EPHB1: variants seen among roughly 807,000 people sequenced by gnomAD.
The protein encoded by EPHB1 is EPH receptor B1.
EPHB1 carries 30 observed loss-of-function variants against 94.4 expected under a neutral mutation model. The observed-to-expected ratio is 0.32, with a 90% CI of 0.24 to 0.43. The LOEUF is 0.43. Among genes scored for constraint, EPHB1 ranks in the 20% least tolerant of loss-of-function variants. EPHB1 has a pLI of 1.00. For synonymous variants in EPHB1, 522 were observed against 489.1 expected, an observed-to-expected ratio of 1.07 and a Z score of -0.89; for missense variants, 1,055 against 1,308.3, an observed-to-expected ratio of 0.81 and a Z score of 2.99.
At chr3:135,044,519 T>C (rs144534308) in intron 3 of EPHB1, among the ~76,000 whole-genome samples, 3 of 152,332 alleles carry the variant, frequency 2.0e-5, no homozygotes, top group Admixed American at 2.0e-4. Flanking sequence ...CAGTTCATAA[T>C]CCCAATTCTG....
At chr3:135,007,798 G>A (rs1035536962) in intron 3 of EPHB1, among the ~76,000 whole-genome samples, 12 of 152,304 alleles carry the variant, frequency 7.9e-5, no homozygotes, top group East Asian at 7.7e-4. Context: ...CCAGCTTTCT[G>A]TCACTTCCTG....
chr3:135,040,644 A>C (rs1356889029), intron 3 of EPHB1, among the ~76,000 whole-genome samples: 2 of 152,236 alleles, frequency 1.3e-5, no homozygotes, highest in Non-Finnish European at 2.9e-5. Context: ...GCTGCTGTTG[A>C]GGATGTTCAG....
chr3:135,018,560 G>C (rs1016777669), intron 3 of EPHB1, among the ~76,000 whole-genome samples: 7 of 152,048 alleles, frequency 4.6e-5, no homozygotes, highest in Admixed American at 2.6e-4. Flanking sequence ...GCTCCCTACA[G>C]CTTCCCAGCA....
At chr3:135,063,720 T>C (rs1937545552) in intron 3 of EPHB1, among the ~76,000 whole-genome samples, 1 of 152,178 alleles carries the variant, frequency 6.6e-6, no homozygotes, top group South Asian at 2.1e-4. Context: ...GAACTTCTAG[T>C]ACTGTGTTGA....
At chr3:134,974,233 CACAT>C (rs1418591900) in intron 3 of EPHB1, among the ~76,000 whole-genome samples, 4 of 152,150 alleles carry the variant, frequency 2.6e-5, no homozygotes, top group East Asian at 1.9e-4. Context: ...TACATACACA[CACAT>C]GCGCACAAAC....
intron 3 of EPHB1, among the ~76,000 whole-genome samples, chr3:135,096,873 G>A (rs35156804): frequency 0.41 from 63,066 of 151,992 alleles, 16,018 homozygotes; most frequent in African/African-American, 0.73. Context: ...CAAGGGGGGC[G>A]GATCACGAGG....
chr3:134,933,659 A>C (rs557936328), intron 2 of EPHB1, among the ~76,000 whole-genome samples: 2 of 152,340 alleles, frequency 1.3e-5, no homozygotes, highest in East Asian at 3.9e-4. Flanking sequence ...AGCACGGAGC[A>C]GCTGGTAAAT....
rs115559339 is a variant in EPHB1, at chr3:135,131,860, G to A, written c.962-854G>A. Among the ~76,000 whole-genome samples the A allele has an allele frequency of 5.2e-3, 792 of 152,278 alleles. 7 individuals are homozygous for A. The highest frequency in any genetic ancestry group is 0.018 in the African/African-American group (746 of 41,566). On this transcript the variant is annotated intron_variant, in intron 4 of 15. Coordinates refer to ENST00000398015, the MANE Select transcript of EPHB1 (RefSeq NM_004441.5). ...TCAGAGCAGGGCTATAGTTGAGAACGTGAGCTTTGGAATCCCGCAGGTATG... is the reference window on the plus strand; with the variant it reads ...TCAGAGCAGGGCTATAGTTGAGAACATGAGCTTTGGAATCCCGCAGGTATG...
At chr3:134,992,782 C>G (rs148203983) in intron 3 of EPHB1, among the ~76,000 whole-genome samples, 1 of 152,340 alleles carries the variant, frequency 6.6e-6, no homozygotes, top group African/African-American at 2.4e-5. Flanking sequence ...ATTCACCTCT[C>G]TACTCACAGT....
intron 4 of EPHB1, among the ~76,000 whole-genome samples, chr3:135,121,423 A>C (rs529772774): frequency 5.9e-5 from 9 of 152,234 alleles, no homozygotes; most frequent in Non-Finnish European, 1.2e-4. Flanking sequence ...AATGTCCAGA[A>C]CAAGGAACTC....
intron 1 of EPHB1, among the ~76,000 whole-genome samples, chr3:134,864,904 C>G (rs2037340850): frequency 1.3e-5 from 2 of 152,224 alleles, no homozygotes; most frequent in Non-Finnish European, 2.9e-5. Flanking sequence ...TCCCACAGAC[C>G]TGGAGTCCCT....
intron 10 of EPHB1, among the ~76,000 whole-genome samples, chr3:135,187,522 T>C (rs1393102109): frequency 1.3e-5 from 2 of 152,176 alleles, no homozygotes; most frequent in Admixed American, 6.5e-5. Flanking sequence ...TTCTTGTAGA[T>C]ACTATATTAA....
chr3:135,040,250 G>T (rs942531144), intron 3 of EPHB1, among the ~76,000 whole-genome samples: 2 of 152,208 alleles, frequency 1.3e-5, no homozygotes, highest in Non-Finnish European at 2.9e-5. Context: ...CCTTTCAGGA[G>T]ATTCGAGATA....
intron 9 of EPHB1, among the ~76,000 whole-genome samples, chr3:135,174,575 CT>C (rs999620069): frequency 7.9e-5 from 12 of 152,300 alleles, no homozygotes; most frequent in African/African-American, 2.9e-4. Flanking sequence ...TATTTCATAT[CT>C]TAATTGCCTA....
chr3:134,866,645 A>T (rs1456365437), intron 1 of EPHB1, among the ~76,000 whole-genome samples: 1 of 152,236 alleles, frequency 6.6e-6, no homozygotes, highest in Non-Finnish European at 1.5e-5. Flanking sequence ...AATGCCAAGG[A>T]GGAACTCTGG....
intron 4 of EPHB1, among the ~76,000 whole-genome samples, chr3:135,120,980 C>T (rs145977818): frequency 2.0e-5 from 3 of 152,292 alleles, no homozygotes; most frequent in Admixed American, 2.0e-4. Flanking sequence ...TCTGACCATA[C>T]AGTAGCCCAG....
intron 3 of EPHB1, among the ~76,000 whole-genome samples, chr3:135,050,264 C>T (rs186464777): frequency 1.3e-5 from 2 of 152,206 alleles, no homozygotes; most frequent in African/African-American, 2.4e-5. Flanking sequence ...TTGAGTTAGA[C>T]GTGACTCTCT....
In EPHB1 at chr3:135,011,709, C is replaced by G. The variant is rs537009206; in HGVS notation, c.805+59657C>G. 6.6e-5 allele frequency among the ~76,000 whole-genome samples: 10 copies of G among 152,280 alleles called. No individual in the cohort carries two copies. In the South Asian group the frequency reaches 2.1e-3, roughly 32 times the overall value. On this transcript the variant is annotated intron_variant, in intron 3 of 15. Coordinates refer to ENST00000398015, the MANE Select transcript of EPHB1 (RefSeq NM_004441.5). ...CACTTCCCTTACAACATGTGGCTGTCTTATTACTGCAGGGCCTCTCAGGAT... is the reference window on the plus strand; with the variant it reads ...CACTTCCCTTACAACATGTGGCTGTGTTATTACTGCAGGGCCTCTCAGGAT...
At chr3:135,089,605 G>A (rs7374940) in intron 3 of EPHB1, among the ~76,000 whole-genome samples, 1 of 152,204 alleles carries the variant, frequency 6.6e-6, no homozygotes, top group East Asian at 1.9e-4. Flanking sequence ...TATTAAGAGG[G>A]CTTTGCTGGC....
Sources: allele counts gnomAD v4.1 joint callset (sites outside exome capture counted in the v4.1 genomes callset), GRCh38; gene constraint gnomAD v4.1.1; transcripts MANE v1.5; gene names NCBI Gene and HGNC (gene_info 2026-07-23, HGNC 2026-07-21).